The following GRM7 variants were observed in gnomAD, a reference collection of about 807,000 sequenced individuals.
GRM7 encodes the protein metabotropic glutamate receptor 7.
GRM7 carries 35 observed loss-of-function variants against 84.5 expected under a neutral mutation model. The observed-to-expected ratio is 0.41, with a 90% CI of 0.32 to 0.55. GRM7 has a LOEUF of 0.55. GRM7 is among the 20% of genes least tolerant of loss of function. The pLI is 0.19. For synonymous variants in GRM7, 487 were observed against 455.1 expected (o/e 1.07, Z -0.89); for missense variants, 1,003 against 1,194.6 (o/e 0.84, Z 2.36).
At chr3:7,014,217 C>T (rs1286437208) in intron 1 of GRM7, among the ~76,000 whole-genome samples, 1 of 152,164 alleles carries the variant, frequency 6.6e-6, no homozygotes, top group Non-Finnish European at 1.5e-5. Flanking sequence ...ACAGCATCAT[C>T]ACAAGCTTAT....
intron 2 of GRM7, among the ~76,000 whole-genome samples, chr3:7,161,843 A>G (rs1028281287): frequency 3.9e-5 from 6 of 152,204 alleles, no homozygotes; most frequent in African/African-American, 1.4e-4. Flanking sequence ...CGTTAGGCAA[A>G]TATCTGTGCC....
intron 1 of GRM7, among the ~76,000 whole-genome samples, chr3:7,056,534 CTT>C (rs1697228887): frequency 6.6e-6 from 1 of 152,002 alleles, no homozygotes; most frequent in Admixed American, 6.6e-5. Context: ...TATATATCAT[CTT>C]TGTTAAATAA....
At chr3:7,533,006 C>G (rs746157033) in intron 7 of GRM7, among the ~76,000 whole-genome samples, 1 of 152,066 alleles carries the variant, frequency 6.6e-6, no homozygotes, top group Non-Finnish European at 1.5e-5. Flanking sequence ...AAAGCACGTT[C>G]TTAGAGACCA....
chr3:6,891,770 A>G (rs953102243), intron 1 of GRM7, among the ~76,000 whole-genome samples: 5 of 152,142 alleles, frequency 3.3e-5, no homozygotes, highest in Non-Finnish European at 5.9e-5. Flanking sequence ...CTGAATCTGA[A>G]TGTTGGCCTG....
intron 1 of GRM7, among the ~76,000 whole-genome samples, chr3:7,118,097 A>G (rs73117020): frequency 0.05 from 7,554 of 152,238 alleles, 612 homozygotes; most frequent in African/African-American, 0.17. Flanking sequence ...ATAAAAACCC[A>G]AAAGAAGGCT....
chr3:7,526,192 T>C (rs1453055463), intron 7 of GRM7, among the ~76,000 whole-genome samples: 1 of 152,134 alleles, frequency 6.6e-6, no homozygotes, highest in Non-Finnish European at 1.5e-5. Flanking sequence ...TCTGCAATCT[T>C]GCCAACATCT....
intron 1 of GRM7, among the ~76,000 whole-genome samples, chr3:7,078,020 C>T (rs574533019): frequency 2.0e-5 from 3 of 152,284 alleles, no homozygotes; most frequent in Non-Finnish European, 4.4e-5. Context: ...CCTCAGGTAG[C>T]GTGAACAAAT....
chr3:7,143,832 T>C, intron 1 of GRM7, among the ~76,000 whole-genome samples: 1 of 152,178 alleles, frequency 6.6e-6, no homozygotes, highest in East Asian at 1.9e-4. Flanking sequence ...TGGAAATGCA[T>C]TGACATGTTT....
chr3:7,041,137 C>T (rs1321778915), intron 1 of GRM7, among the ~76,000 whole-genome samples: 3 of 151,418 alleles, frequency 2.0e-5, no homozygotes, highest in Non-Finnish European at 4.4e-5. Context: ...TTTCAACCAC[C>T]TTTATCAAGT....
chr3:7,518,234 C>G (rs922095401), intron 7 of GRM7, among the ~76,000 whole-genome samples: 1 of 152,106 alleles, frequency 6.6e-6, no homozygotes, highest in Non-Finnish European at 1.5e-5. Flanking sequence ...ACTAGGAAGG[C>G]CTTGGCAGCA....
At chr3:7,131,132 G>A (rs1169156544) in intron 1 of GRM7, among the ~76,000 whole-genome samples, 1 of 152,050 alleles carries the variant, frequency 6.6e-6, no homozygotes, top group Non-Finnish European at 1.5e-5. Flanking sequence ...AAAAAAATAG[G>A]CAAATGCTCA....
chr3:7,335,806 A>G (rs1241422564), intron 4 of GRM7, among the ~76,000 whole-genome samples: 2 of 152,096 alleles, frequency 1.3e-5, no homozygotes, highest in African/African-American at 4.8e-5. Context: ...GAAAACCTAG[A>G]GGACATAGAT....
chr3:7,089,837 A>C (rs534795894), intron 1 of GRM7, among the ~76,000 whole-genome samples: 2 of 152,076 alleles, frequency 1.3e-5, no homozygotes, highest in South Asian at 4.2e-4. Context: ...TAAATGATTA[A>C]ATTATTATTA....
At chr3:7,132,770 C>T (rs1296755811) in intron 1 of GRM7, among the ~76,000 whole-genome samples, 4 of 152,270 alleles carry the variant, frequency 2.6e-5, no homozygotes, top group East Asian at 3.9e-4. Context: ...GCTTGCTTGA[C>T]GCTGAAAGTG....
chr3:7,029,331 A>G (rs866561334), intron 1 of GRM7, among the ~76,000 whole-genome samples: 1 of 151,350 alleles, frequency 6.6e-6, no homozygotes, highest in South Asian at 2.1e-4. Flanking sequence ...AAAAAAACAA[A>G]CAAAAAAAAC....
At chr3:6,988,110 C>T (rs1694493049) in intron 1 of GRM7, among the ~76,000 whole-genome samples, 1 of 150,954 alleles carries the variant, frequency 6.6e-6, no homozygotes, top group South Asian at 2.1e-4. Context: ...CATTCTCCTG[C>T]CTCAGCCTCC....
chr3:7,313,509 C>T (rs1209248338), intron 4 of GRM7, among the ~76,000 whole-genome samples: 1 of 152,002 alleles, frequency 6.6e-6, no homozygotes. Context: ...TAATAAAATA[C>T]CTTTCTTATT....
At chr3:7,645,566 AAAAAAG>A (rs1207365622) in intron 8 of GRM7, among the ~76,000 whole-genome samples, 1 of 149,906 alleles carries the variant, frequency 6.7e-6, no homozygotes, top group African/African-American at 2.5e-5. Flanking sequence ...AAAAAAAAAA[AAAAAAG>A]AAAAGAAAAA....
chr3:7,455,854 T>C (rs960827303), intron 6 of GRM7, among the ~76,000 whole-genome samples: 1 of 152,176 alleles, frequency 6.6e-6, no homozygotes, highest in Non-Finnish European at 1.5e-5. Flanking sequence ...AGATATAGTA[T>C]GATTTTAAAA....
Sources: allele counts gnomAD v4.1 joint callset (sites outside exome capture counted in the v4.1 genomes callset), GRCh38; gene constraint gnomAD v4.1.1; transcripts MANE v1.5; gene names NCBI Gene and HGNC (gene_info 2026-07-23, HGNC 2026-07-21).